The following STX8 variants were observed in gnomAD, a reference collection of about 807,000 sequenced individuals.
STX8 encodes the protein syntaxin 8.
Under a neutral mutation model 37.5 loss-of-function variants are expected in STX8, and 23 were observed. The observed-to-expected ratio is 0.61, with a 90% confidence interval of 0.44 to 0.87. STX8 has a LOEUF of 0.87. Ranked by LOEUF, STX8 falls within the 40% of genes least tolerant of loss-of-function variation. The probability of loss-of-function intolerance (pLI) is 0.00; values close to 1 mark genes in which losing one functional copy is unlikely to be tolerated. For missense variants in STX8, 313 were observed against 284.7 expected (o/e 1.10, Z -0.71); for synonymous variants, 115 against 99.1 (o/e 1.16, Z -0.95).
Position 9,341,746 on chromosome 17 carries a change from C to T in STX8, c.643+36806G>A, listed in dbSNP as rs1354801306. On this transcript the variant is annotated intron_variant, in intron 7 of 7. Transcript: ENST00000306357. The stretch of plus-strand genomic sequence containing the variant: ...GCCACCGCGCCCGGCCAAGACATGA[C>T]TCAAGTGCAGCTGAAGCAAGATTTG... Among the ~76,000 whole-genome samples, 6 of 152,110 alleles carry T rather than the reference C, an allele frequency of 3.9e-5. 1 individual carries two copies. Among genetic ancestry groups the T allele is most frequent in the African/African-American group, 1.4e-4 (6 of 41,438 alleles).
At chr17:9,424,744 A>T (rs1468259747) in intron 6 of STX8, among the ~76,000 whole-genome samples, 1 of 152,238 alleles carries the variant, frequency 6.6e-6, no homozygotes, top group Non-Finnish European at 1.5e-5. Context: ...AAAAAGTTAC[A>T]AACAGATTTA....
chr17:9,509,553 A>C (rs1458648082), intron 4 of STX8, among the ~76,000 whole-genome samples: 1 of 152,206 alleles, frequency 6.6e-6, no homozygotes, highest in African/African-American at 2.4e-5. Context: ...GGAGTATTAC[A>C]TCTGGAAGTG....
chr17:9,530,319 A>C (rs1302306706), intron 4 of STX8, among the ~76,000 whole-genome samples: 1 of 152,112 alleles, frequency 6.6e-6, no homozygotes, highest in Non-Finnish European at 1.5e-5. Context: ...TCAAAAAAAA[A>C]AAAAAAAAAC....
At chr17:9,355,585 C>A (rs1205968183) in intron 7 of STX8, among the ~76,000 whole-genome samples, 1 of 151,542 alleles carries the variant, frequency 6.6e-6, no homozygotes, top group Non-Finnish European at 1.5e-5. Context: ...TCACTGCAAC[C>A]TCCGCCTCCC....
At chr17:9,575,210 AG>A (rs1342431875) in intron 1 of STX8, among the ~76,000 whole-genome samples, 1 of 152,220 alleles carries the variant, frequency 6.6e-6, no homozygotes, top group Non-Finnish European at 1.5e-5. Context: ...CTACTGCTAA[AG>A]GAAAAGACTT....
At chr17:9,293,911 G>A (rs748619351) in intron 7 of STX8, among the ~76,000 whole-genome samples, 1 of 149,384 alleles carries the variant, frequency 6.7e-6, no homozygotes, top group Non-Finnish European at 1.5e-5. Flanking sequence ...ACAGGCACCC[G>A]CCACCACGCC....
intron 3 of STX8, among the ~76,000 whole-genome samples, chr17:9,547,711 C>T (rs1906597734): frequency 6.7e-6 from 1 of 150,370 alleles, no homozygotes. Context: ...GATTAGGAAA[C>T]TGAGAAGACA....
rs563672028 is a variant in STX8 at position 9,333,636 on chromosome 17, G to A, written c.643+44916C>T. On this transcript the variant is annotated intron_variant, in intron 7 of 7. Transcript: ENST00000306357. ...GATCTCCTGACCTTGTGATCCGCCC[G>A]CCTTGGCCTCCCAAAGTGCTCGGAT... Among the ~76,000 whole-genome samples, 8 of 152,282 alleles carry A rather than the reference G, an allele frequency of 5.3e-5. No individual in the cohort carries two copies. The East Asian group carries it at 5.8e-4, about 11-fold the overall frequency.
chr17:9,326,693 C>A (rs1042417205), intron 7 of STX8, among the ~76,000 whole-genome samples: 4 of 152,190 alleles, frequency 2.6e-5, no homozygotes, highest in Non-Finnish European at 5.9e-5. Context: ...AGTGCTTATG[C>A]ATTCCAACAC....
intron 7 of STX8, among the ~76,000 whole-genome samples, chr17:9,259,064 A>G (rs938611646): frequency 1.3e-5 from 2 of 152,216 alleles, no homozygotes; most frequent in African/African-American, 4.8e-5. Flanking sequence ...AAACAGATCA[A>G]TGCAGTCTGG....
chr17:9,518,335 C>T (rs1479005816), intron 4 of STX8, among the ~76,000 whole-genome samples: 2 of 151,484 alleles, frequency 1.3e-5, no homozygotes, highest in Non-Finnish European at 2.9e-5. Context: ...ACCCCTCTTC[C>T]AGGCCTCATG....
chr17:9,428,482 C>T (rs1913722944), intron 6 of STX8, among the ~76,000 whole-genome samples: 1 of 152,164 alleles, frequency 6.6e-6, no homozygotes, highest in South Asian at 2.1e-4. Context: ...CCTTGTGATC[C>T]ACCCGCCTTG....
chr17:9,308,493 G>A (rs1167079294), intron 7 of STX8, among the ~76,000 whole-genome samples: 1 of 152,106 alleles, frequency 6.6e-6, no homozygotes, highest in South Asian at 2.1e-4. Context: ...GGGAGGCCGA[G>A]GTGGGTGGAT....
rs1418689223 is a variant in STX8, at chr17:9,437,741, A to G, written c.541+54088T>C. The G allele has an allele frequency of 2.6e-5, 4 of 152,142 alleles. No individual in the cohort carries two copies. The East Asian group carries it at 7.7e-4, about 29-fold the overall frequency. The allele number at this position is 152,142 out of a possible 1,614,324, so 9.4% of individuals were successfully genotyped here. A position where few individuals can be genotyped will look rare whatever the true frequency, so the allele number is the denominator to read the frequency against. On this transcript the variant is annotated intron_variant, in intron 6 of 7. Transcript: ENST00000306357. Reference sequence around the variant, plus strand: ...AATTCAGTGTCTGGCTTGCTAATTCATACTCTCACTTTGCCTTTTCTTTGT... The same window carrying G: ...AATTCAGTGTCTGGCTTGCTAATTCGTACTCTCACTTTGCCTTTTCTTTGT...
chr17:9,276,382 G>C (rs1259723781), intron 7 of STX8, among the ~76,000 whole-genome samples: 2 of 152,038 alleles, frequency 1.3e-5, no homozygotes, highest in Non-Finnish European at 2.9e-5. Flanking sequence ...ACCAAAAGAT[G>C]TCCCAAAGAA....
chr17:9,375,317 T>A (rs976229849), intron 7 of STX8, among the ~76,000 whole-genome samples: 3 of 152,118 alleles, frequency 2.0e-5, no homozygotes, highest in Non-Finnish European at 4.4e-5. Context: ...AAACAACACT[T>A]AAGAGTCCAG....
At chr17:9,575,708 C>A in intron 1 of STX8, 84 bp downstream of exon 1, 1 of 1,500,132 alleles carries the variant, frequency 6.7e-7, no homozygotes, top group South Asian at 1.2e-5. Context: ...CCACCAGCGG[C>A]AATGCGAAGT....
At chr17:9,269,055 C>T (rs940667470) in intron 7 of STX8, among the ~76,000 whole-genome samples, 10 of 152,096 alleles carry the variant, frequency 6.6e-5, no homozygotes, top group South Asian at 6.3e-4. Flanking sequence ...GGCATGGTGG[C>T]GGGCGCCTGT....
At position 9,349,965 on chromosome 17, in the gene STX8, TG is replaced by T. The variant is rs1910655574; in HGVS notation, c.643+28586del. On this transcript the variant is annotated intron_variant, in intron 7 of 7. Transcript: ENST00000306357. ...TTGACCAGACTGGCCCTCAAACTCC[TG>T]GCCTGAAGCAATCCTCACACTTTGG... Among the ~76,000 whole-genome samples, 7 of 152,320 alleles carry T rather than the reference TG, an allele frequency of 4.6e-5. No individual in the cohort carries two copies. In the South Asian group the frequency reaches 1.4e-3, roughly 32 times the overall value.
Sources: gnomAD v4.1 joint callset for allele counts (sites outside exome capture counted in the v4.1 genomes callset) on GRCh38, gnomAD v4.1.1 for gene constraint, MANE v1.5 for transcripts, NCBI Gene and HGNC (gene_info 2026-07-23, HGNC 2026-07-21) for gene names.